The following UNKL variants were observed in gnomAD, a reference collection of about 807,000 sequenced individuals.
The protein encoded by UNKL is putative E3 ubiquitin-protein ligase UNKL.
In UNKL, 60 loss-of-function variants were observed where a neutral mutation model predicts 78.0. That is an observed-to-expected ratio of 0.77 (90% CI 0.63 to 0.95). UNKL has a LOEUF of 0.95. Among genes scored for constraint, UNKL ranks in the 40% least tolerant of loss-of-function variants. The pLI is 0.00. For missense variants in UNKL, 1,159 were observed against 1,045.7 expected, an observed-to-expected ratio of 1.11 and a Z score of -1.49; for synonymous variants, 608 against 474.8, an observed-to-expected ratio of 1.28 and a Z score of -3.65.
chr16:1,413,674 G>A (rs1322071117), intron 2 of UNKL, among the ~76,000 whole-genome samples, 172 bp downstream of exon 2: 1 of 152,258 alleles, frequency 6.6e-6, no homozygotes, highest in East Asian at 1.9e-4. Flanking sequence ...CTGAGAATAG[G>A]AAATGCCGCC....
chr16:1,394,851 G>A (rs1296265355), intron 6 of UNKL, among the ~76,000 whole-genome samples: 1 of 152,162 alleles, frequency 6.6e-6, no homozygotes, highest in Non-Finnish European at 1.5e-5. Flanking sequence ...ACCACGTCGG[G>A]CACCCGGTGG....
chr16:1,400,647 G>A (rs2037486022), intron 4 of UNKL, among the ~76,000 whole-genome samples: 2 of 151,862 alleles, frequency 1.3e-5, no homozygotes, highest in African/African-American at 2.4e-5. Context: ...AAATGCCACT[G>A]GACTGTACAC....
chr16:1,369,665 G>A (rs919024119), intron 12 of UNKL, among the ~76,000 whole-genome samples: 7 of 152,300 alleles, frequency 4.6e-5, no homozygotes, highest in Non-Finnish European at 7.4e-5. Flanking sequence ...CACTGCACCC[G>A]ACCAAGTGTT....
chr16:1,389,253 A>G (rs1596717755), intron 9 of UNKL, among the ~76,000 whole-genome samples: 1 of 152,150 alleles, frequency 6.6e-6, no homozygotes, highest in Admixed American at 6.6e-5. Flanking sequence ...CGGTGTGACT[A>G]AATTTGGAGA....
intron 2 of UNKL, among the ~76,000 whole-genome samples, chr16:1,407,909 G>A (rs2037842651): frequency 6.6e-6 from 1 of 151,988 alleles, no homozygotes; most frequent in Admixed American, 6.6e-5. Context: ...TTTTCCCAAT[G>A]AAAATGGGCC....
At position 1,385,258 on chromosome 16, in the gene UNKL, G is replaced by T; in HGVS notation, c.1214C>A (p.Ala405Asp). ...SSPTALPAPP[A>D]RALPLGPASS... ...GGCGGGGCCGAGCGGGAGGGCACGG[G>T]CGGGGGGCGCGGGCAGCGCAGTGGG... is the stretch of plus-strand genomic sequence containing the variant. The change falls in exon 10 of 15, where the codon GCC becomes GAC. Residue 405 changes from alanine (A) to aspartate (D), a missense_variant. Physicochemically the swap from Ala to Asp is moderately radical, Grantham distance 126. Transcript: ENST00000389221. The T allele has an allele frequency of 7.5e-7, 1 of 1,328,320 alleles. No homozygotes were observed. Among genetic ancestry groups the T allele is most frequent in the Non-Finnish European group, 9.6e-7 (1 of 1,043,132 alleles). The allele number at this position is 1,328,320 out of a possible 1,614,324, so 82.3% of individuals were successfully genotyped here.
intron 12 of UNKL, among the ~76,000 whole-genome samples, chr16:1,369,042 G>A (rs967123686): frequency 2.0e-5 from 3 of 147,090 alleles, no homozygotes; most frequent in Non-Finnish European, 3.0e-5. Context: ...CACTATGTTG[G>A]CCCAAAGTAT....
At chr16:1,407,155 A>C (rs1220689858) in intron 2 of UNKL, 1 of 151,510 alleles carries the variant, frequency 6.6e-6, no homozygotes, top group African/African-American at 2.4e-5. Context: ...TCTCAAAAAA[A>C]AGAAAGAAAG....
chr16:1,378,024 A>G (rs1483885225), intron 10 of UNKL, among the ~76,000 whole-genome samples: 3 of 152,068 alleles, frequency 2.0e-5, no homozygotes, highest in Non-Finnish European at 2.9e-5. Context: ...CCGCTTCCCA[A>G]TGGGTCCTTT....
In UNKL at chr16:1,366,236, G is replaced by A. The variant is rs1362295182; in HGVS notation, c.*4C>T. ...CCAGCAGGAGGTGGCTGTCCCCGCTGAGGTCACCACTGCAGGGGCTGGCCC... is the reference window on the plus strand; with the variant it reads ...CCAGCAGGAGGTGGCTGTCCCCGCTAAGGTCACCACTGCAGGGGCTGGCCC... On this transcript the variant is annotated 3_prime_UTR_variant, in exon 15 of 15. Coordinates refer to ENST00000389221, the MANE Select transcript of UNKL (RefSeq NM_001372107.1). The A allele has an allele frequency of 1.3e-6, 2 of 1,542,478 alleles. No homozygotes were observed. Among genetic ancestry groups the A allele is most frequent in the African/African-American group, 1.4e-5 (1 of 73,416 alleles).
At chr16:1,410,941 A>G (rs1262570693) in intron 2 of UNKL, among the ~76,000 whole-genome samples, 1 of 152,236 alleles carries the variant, frequency 6.6e-6, no homozygotes, top group Admixed American at 6.5e-5. Context: ...CTGCCTTAAC[A>G]ACACTATGGC....
chr16:1,367,404 C>G, intron 13 of UNKL, 55 bp from the exon 14 acceptor site: 1 of 1,496,474 alleles, frequency 6.7e-7, no homozygotes. Flanking sequence ...CACCTGCAGA[C>G]CCTCTTGCCT....
At position 1,394,128 on chromosome 16, in the gene UNKL, C is replaced by T. The variant is rs1190321354; in HGVS notation, c.937+3G>A. 2 of 1,549,804 alleles carry T rather than the reference C, an allele frequency of 1.3e-6. No individual in the cohort carries two copies. Among genetic ancestry groups the T allele is most frequent in the South Asian group, 1.2e-5 (1 of 84,048 alleles). On this transcript the variant is annotated splice_donor_region_variant and intron_variant, in intron 7 of 14. Coordinates refer to ENST00000389221, the MANE Select transcript of UNKL (RefSeq NM_001372107.1). ...TGAACCTGCCACAGGGACGGTTACT[C>T]ACTCTCAACGTGTGCAAAGGCACAG...
At chr16:1,400,729 C>T (rs1232647175) in intron 4 of UNKL, among the ~76,000 whole-genome samples, 1 of 151,952 alleles carries the variant, frequency 6.6e-6, no homozygotes, top group Non-Finnish European at 1.5e-5. Flanking sequence ...ACTCTGTCAC[C>T]CACACTGGAG....
At chr16:1,406,758 G>A (rs1293864529) in intron 2 of UNKL, among the ~76,000 whole-genome samples, 1 of 152,154 alleles carries the variant, frequency 6.6e-6, no homozygotes, top group Non-Finnish European at 1.5e-5. Flanking sequence ...ACACCCTGAA[G>A]TGAGTGGAAC....
chr16:1,414,140 AG>A, intron 1 of UNKL, 85 bp from the exon 2 acceptor site: 1 of 1,365,748 alleles, frequency 7.3e-7, no homozygotes, highest in Non-Finnish European at 9.9e-7. Context: ...CACCGGCCTC[AG>A]GAGCCTCAAC....
At chr16:1,394,528 C>A (rs1384627672) in intron 6 of UNKL, 2 of 550,538 alleles carry the variant, frequency 3.6e-6, no homozygotes, top group Admixed American at 2.2e-5. Context: ...GTCTGGTATG[C>A]AGCAGGTGCC....
Position 1,370,126 on chromosome 16 carries a change from T to A in UNKL, c.1585+4A>T. 6.5e-7 allele frequency: 1 copy of A among 1,533,162 alleles called. No individual in the cohort carries two copies. Among genetic ancestry groups the A allele is most frequent in the Non-Finnish European group, 8.8e-7 (1 of 1,136,942 alleles). 95.0% of individuals were successfully genotyped at this position (1,533,162 alleles called of 1,614,324 possible). A position where few individuals can be genotyped will look rare whatever the true frequency, so the allele number is the denominator to read the frequency against. ...ACGCCAGCATGGAGGGAGCCGGCACTCACCTAGGGGGCTGTAGGATGAGGC... is the reference window on the plus strand; with the variant it reads ...ACGCCAGCATGGAGGGAGCCGGCACACACCTAGGGGGCTGTAGGATGAGGC... On this transcript the variant is annotated splice_donor_region_variant and intron_variant, in intron 12 of 14. Transcript: ENST00000389221.
At chr16:1,407,302 G>A (rs549401091) in intron 2 of UNKL, 6 of 152,444 alleles carry the variant, frequency 3.9e-5, no homozygotes, top group East Asian at 1.9e-4. Context: ...GGCACACCCC[G>A]GACCCATCCA....
Sources: gnomAD v4.1 joint callset for allele counts (sites outside exome capture counted in the v4.1 genomes callset) on GRCh38, gnomAD v4.1.1 for gene constraint, MANE v1.5 for transcripts, NCBI Gene and HGNC (gene_info 2026-07-23, HGNC 2026-07-21) for gene names.